The following DOCK1 variants were observed in gnomAD, a reference collection of about 807,000 sequenced individuals.
DOCK1 encodes the protein dedicator of cytokinesis protein 1.
In DOCK1, 138 loss-of-function variants were observed where a neutral mutation model predicts 262.7. The observed-to-expected ratio is 0.53, with a 90% CI of 0.46 to 0.61. The LOEUF is 0.61. Ranked by LOEUF, DOCK1 falls within the 20% of genes least tolerant of loss-of-function variation. DOCK1 has a pLI of 0.00. For missense variants in DOCK1, 1,908 were observed against 2,370.7 expected, an observed-to-expected ratio of 0.80 and a Z score of 4.05; for synonymous variants, 866 against 867.4, an observed-to-expected ratio of 1.00 and a Z score of 0.03.
intron 27 of DOCK1, among the ~76,000 whole-genome samples, chr10:127,245,437 CT>C (rs1427429871): frequency 6.6e-6 from 1 of 152,218 alleles, no homozygotes; most frequent in African/African-American, 2.4e-5. Flanking sequence ...TCTGGGCCTC[CT>C]GTAATTAATC....
rs889764294 is a variant in DOCK1, at chr10:126,995,512, C to T, written c.474-1236C>T. 9.2e-5 allele frequency among the ~76,000 whole-genome samples: 14 copies of T among 152,318 alleles called. No individual in the cohort carries two copies. The highest frequency in any genetic ancestry group is 2.6e-4 in the African/African-American group (11 of 41,586). On this transcript the variant is annotated intron_variant, in intron 6 of 51. Coordinates refer to ENST00000623213, the MANE Select transcript of DOCK1 (RefSeq NM_001290223.2). This position sits in a 1 kb window ranked among gnomAD's most constrained non-coding sequence, Gnocchi z 5.8. ...AAAACCAGTCAGGTGTGGCGGCGCG[C>T]GCCTGCAATCCCAGGCACTCCGCAG...
At chr10:127,296,600 T>C (rs2061512928) in intron 29 of DOCK1, among the ~76,000 whole-genome samples, 1 of 152,238 alleles carries the variant, frequency 6.6e-6, no homozygotes, top group South Asian at 2.1e-4. Context: ...TCCTGCTCTC[T>C]AACTCAGATG....
chr10:127,006,618 G>T (rs914800705), intron 10 of DOCK1, among the ~76,000 whole-genome samples: 3 of 152,226 alleles, frequency 2.0e-5, no homozygotes, highest in Non-Finnish European at 4.4e-5. Context: ...GAGCGGTGAT[G>T]ACTGGTGACG....
At chr10:126,920,572 TA>T (rs2033081976) in intron 1 of DOCK1, among the ~76,000 whole-genome samples, 1 of 152,244 alleles carries the variant, frequency 6.6e-6, no homozygotes, top group Admixed American at 6.5e-5. Context: ...ATATATATGC[TA>T]AAGTACTTTG....
chr10:127,122,388 C>A (rs932246158), intron 25 of DOCK1, among the ~76,000 whole-genome samples: 3 of 152,154 alleles, frequency 2.0e-5, no homozygotes, highest in African/African-American at 7.2e-5. Context: ...TCCTCAGTGA[C>A]CTGGTTCTGT....
intron 46 of DOCK1, among the ~76,000 whole-genome samples, chr10:127,423,593 G>A (rs1279709766): frequency 6.6e-6 from 1 of 152,152 alleles, no homozygotes; most frequent in Non-Finnish European, 1.5e-5. Context: ...AGTATCCAAA[G>A]ACAAATCCAT....
chr10:126,938,181 A>C (rs1464166472), intron 1 of DOCK1, among the ~76,000 whole-genome samples: 1 of 151,714 alleles, frequency 6.6e-6, no homozygotes, highest in Non-Finnish European at 1.5e-5. Context: ...TGAGTAGCTG[A>C]GATTACAGGC....
intron 27 of DOCK1, among the ~76,000 whole-genome samples, chr10:127,238,059 T>A (rs370025049): frequency 2.4e-4 from 36 of 152,304 alleles, no homozygotes; most frequent in African/African-American, 8.4e-4. Flanking sequence ...GACACATCAT[T>A]CCTCGCTTCA....
chr10:127,364,672 T>C (rs926479583), intron 33 of DOCK1, among the ~76,000 whole-genome samples: 6 of 152,284 alleles, frequency 3.9e-5, no homozygotes, highest in Non-Finnish European at 8.8e-5. Flanking sequence ...CCCTAGGCAG[T>C]TTTTTATAAG....
intron 32 of DOCK1, among the ~76,000 whole-genome samples, chr10:127,357,668 A>G (rs966769912): frequency 1.3e-5 from 2 of 152,216 alleles, no homozygotes; most frequent in Non-Finnish European, 2.9e-5. Context: ...TGGCCTGAGA[A>G]GCGGCCAAGA....
At chr10:127,029,095 T>C (rs1185937587) in intron 16 of DOCK1, among the ~76,000 whole-genome samples, 1 of 152,220 alleles carries the variant, frequency 6.6e-6, no homozygotes, top group Non-Finnish European at 1.5e-5. Context: ...TTCTTGTCAG[T>C]TTTAAGTACT....
Position 127,280,827 on chromosome 10 carries a change from T to G in DOCK1, c.3044+23398T>G, listed in dbSNP as rs988845306. 2.6e-5 allele frequency among the ~76,000 whole-genome samples: 4 copies of G among 152,174 alleles called. No individual in the cohort carries two copies. In the East Asian group the frequency reaches 7.7e-4, roughly 29 times the overall value. ...TTTTGTTGTTTTTCTCCTTTTCATTTTTTCATTTTTTACTCCACGCTAAGA... is the reference window on the plus strand; with the variant it reads ...TTTTGTTGTTTTTCTCCTTTTCATTGTTTCATTTTTTACTCCACGCTAAGA... On this transcript the variant is annotated intron_variant, in intron 29 of 51. Coordinates refer to ENST00000623213, the MANE Select transcript of DOCK1 (RefSeq NM_001290223.2).
chr10:126,915,391 A>C (rs1591299065), intron 1 of DOCK1, among the ~76,000 whole-genome samples: 1 of 139,908 alleles, frequency 7.1e-6, no homozygotes, highest in African/African-American at 2.6e-5. Context: ...GCCCGAGAGC[A>C]GTGCTGCTTT....
At chr10:126,928,378 T>G (rs1214538681) in intron 1 of DOCK1, among the ~76,000 whole-genome samples, 1 of 152,186 alleles carries the variant, frequency 6.6e-6, no homozygotes, top group Non-Finnish European at 1.5e-5. Context: ...GCCTGACTCG[T>G]AAACTTGCTC....
rs181921476 is a variant in DOCK1 at position 127,286,870 on chromosome 10, T to C, written c.3044+29441T>C. ...GTTGACACCCCTACTTTTTTTCTTT[T>C]TTTTTTTCTTTTTGTTTTTTTTTGA... On this transcript the variant is annotated intron_variant, in intron 29 of 51. Coordinates refer to ENST00000623213, the MANE Select transcript of DOCK1 (RefSeq NM_001290223.2). Among the ~76,000 whole-genome samples the C allele has an allele frequency of 3.0e-3, 457 of 152,020 alleles. 6 individuals are homozygous for C. Among genetic ancestry groups the C allele is most frequent in the African/African-American group, 0.011 (437 of 41,478 alleles).
chr10:127,176,318 C>T lies in DOCK1; in HGVS notation c.2847+48554C>T, dbSNP rs769939553. The T allele has an allele frequency of 3.1e-6, 5 of 1,613,976 alleles. No homozygotes were observed. The East Asian group carries it at 1.1e-4, about 36-fold the overall frequency. ...TGGGGTCCAGGGCGTATTTCATCTC[C>T]AGGGCCAGGCAGGCGGCGGGTTCCA... On this transcript the variant is annotated intron_variant, in intron 27 of 51. Transcript: ENST00000623213. The surrounding 1 kb of genome is among the most constrained non-coding windows in gnomAD (Gnocchi z 4.4).
At chr10:127,362,992 C>T (rs1565027372) in intron 33 of DOCK1, among the ~76,000 whole-genome samples, 3 of 128,960 alleles carry the variant, frequency 2.3e-5, no homozygotes, top group African/African-American at 8.3e-5. Context: ...CACATCCCCC[C>T]CCACACACAC....
chr10:127,313,642 C>G (rs918179896), intron 29 of DOCK1, among the ~76,000 whole-genome samples: 2 of 152,148 alleles, frequency 1.3e-5, no homozygotes, highest in Non-Finnish European at 2.9e-5. Context: ...AGAAGGCCCT[C>G]GTTCCTGGTC....
intron 27 of DOCK1, among the ~76,000 whole-genome samples, chr10:127,197,938 G>T (rs1268035072): frequency 6.6e-6 from 1 of 152,242 alleles, no homozygotes; most frequent in East Asian, 1.9e-4. Flanking sequence ...TCTTTACCCC[G>T]CAGCATCCTT....
Sources: gnomAD v4.1 joint callset for allele counts (sites outside exome capture counted in the v4.1 genomes callset) on GRCh38, gnomAD v4.1.1 for gene constraint, Gnocchi (gnomAD v3.1) non-coding constraint, MANE v1.5 for transcripts, NCBI Gene and HGNC (gene_info 2026-07-23, HGNC 2026-07-21) for gene names.